Variants in HEATR4 observed in about 807,000 individuals in gnomAD.
HEATR4 encodes the protein HEAT repeat-containing protein 4.
A neutral mutation model predicts 108.8 loss-of-function variants in HEATR4; 95 were observed. That is an observed-to-expected ratio of 0.87 (90% CI 0.74 to 1.04). The LOEUF (loss-of-function observed/expected upper bound fraction) is 1.04, where lower values mean the gene tolerates loss of function less well. HEATR4 is among the 50% of genes least tolerant of loss of function. The pLI is 0.00. For synonymous variants in HEATR4, 443 were observed against 459.4 expected (o/e 0.96, Z 0.46); for missense variants, 1,152 against 1,253.8 (o/e 0.92, Z 1.23).
rs376920589 is a variant in HEATR4 at position 73,508,281 on chromosome 14, A to G, written c.1734T>C (p.Asp578=). The change falls in exon 9 of 18, where the codon GAT becomes GAC. Residue 578 remains aspartate, a synonymous_variant. Coordinates refer to ENST00000553558, the MANE Select transcript of HEATR4 (RefSeq NM_001220484.1). ...QTALLKGNSV[D]SWAAAQCLAL... is the part of the protein sequence containing the mutation. ...CCAAGCACTGAGCTGCAGCCCAGCT[A>G]TCCACACTGTTACCTGCCACAGTTG... 4.3e-6 allele frequency: 7 copies of G among 1,613,746 alleles called. No individual in the cohort carries two copies. In the East Asian group the frequency reaches 6.7e-5, roughly 15 times the overall value.
intron 7 of HEATR4, among the ~76,000 whole-genome samples, chr14:73,511,388 G>A (rs1353716825): frequency 2.6e-5 from 4 of 151,806 alleles, no homozygotes; most frequent in East Asian, 1.9e-4. Context: ...GGTGGCACAC[G>A]CCTGTATGTA....
upstream of HEATR4, among the ~76,000 whole-genome samples, chr14:73,560,296 T>C (rs1226290872): frequency 6.6e-6 from 1 of 152,052 alleles, no homozygotes; most frequent in Non-Finnish European, 1.5e-5. Context: ...ATATGGACTT[T>C]AGCACTTGAG....
rs1262085869 is a variant in HEATR4 at position 73,548,299 on chromosome 14, A to T, written c.-152+10452T>A. ...AGCAAGGGGAGAAGTGAGTGTAGTT[A>T]TTTGCAAATATTTCCACTCTTCAAT... On this transcript the variant is annotated intron_variant, in intron 1 of 17. Coordinates refer to ENST00000553558, the MANE Select transcript of HEATR4 (RefSeq NM_001220484.1). Among the ~76,000 whole-genome samples, 2 of 114,802 alleles carry T rather than the reference A, an allele frequency of 1.7e-5. 1 individual carries two copies. The highest frequency in any genetic ancestry group is 3.8e-5 in the Non-Finnish European group (2 of 52,626). The allele number at this position is 114,802 out of a possible 152,430, so 75.3% of individuals were successfully genotyped here.
At position 73,530,233 on chromosome 14, in the gene HEATR4, C is replaced by G. The variant is rs1446183448; in HGVS notation, c.-140G>C. The G allele has an allele frequency of 6.9e-6, 1 of 145,356 alleles. No homozygotes were observed. The highest frequency in any genetic ancestry group is 2.5e-5 in the African/African-American group (1 of 40,296). The allele number at this position is 145,356 out of a possible 1,614,324, so 9.0% of individuals were successfully genotyped here. Reference sequence around the variant, plus strand: ...CTTCCTGCCTTGGCCTCCAGAAATGCTGGGACTGCGCCTGGAATAGATACG... The same window carrying G: ...CTTCCTGCCTTGGCCTCCAGAAATGGTGGGACTGCGCCTGGAATAGATACG... On this transcript the variant is annotated 5_prime_UTR_variant, in exon 2 of 18. Transcript: ENST00000553558.
chr14:73,595,114 C>T, the HEATR4 span: 1 of 1,614,176 alleles, frequency 6.2e-7, no homozygotes. Flanking sequence ...TCTCAATGGC[C>T]TCATTCTTGA....
intron 9 of HEATR4, among the ~76,000 whole-genome samples, chr14:73,507,000 C>T (rs546313726): frequency 4.7e-4 from 71 of 151,814 alleles, no homozygotes; most frequent in Non-Finnish European, 9.1e-4. Flanking sequence ...GGGGTTTTAC[C>T]ATGTTGGTGC....
chr14:73,585,620 G>A, the HEATR4 span, among the ~76,000 whole-genome samples: 1 of 151,942 alleles, frequency 6.6e-6, no homozygotes, highest in Non-Finnish European at 1.5e-5. Flanking sequence ...AACCCAGGAG[G>A]TGGAGGTCCA....
chr14:73,513,110 A>G (rs1266418011), intron 6 of HEATR4, among the ~76,000 whole-genome samples: 1 of 152,244 alleles, frequency 6.6e-6, no homozygotes, highest in African/African-American at 2.4e-5. Context: ...GTTGGACAGC[A>G]TATTTTGTTC....
At chr14:73,499,385 TAGG>T in intron 12 of HEATR4, among the ~76,000 whole-genome samples, 1 of 151,890 alleles carries the variant, frequency 6.6e-6, no homozygotes, top group East Asian at 1.9e-4. Flanking sequence ...GAGGCTGAGG[TAGG>T]AGAATTGCTT....
At chr14:73,593,835 C>A in the HEATR4 span, 1 of 1,614,052 alleles carries the variant, frequency 6.2e-7, no homozygotes, top group Non-Finnish European at 8.5e-7. Flanking sequence ...AAGATCTCCC[C>A]AATAACATGG....
the HEATR4 span, chr14:73,612,677 A>C: frequency 1.6e-5 from 22 of 1,411,278 alleles, no homozygotes; most frequent in East Asian, 6.4e-4. Context: ...CACGCTGCGC[A>C]CGTCCCTGCG....
Position 73,532,812 on chromosome 14 carries a change from C to T in HEATR4, c.-151-2568G>A, listed in dbSNP as rs1360137375. 2.7e-5 allele frequency among the ~76,000 whole-genome samples: 3 copies of T among 112,588 alleles called. 1 individual carries two copies. Among genetic ancestry groups the T allele is most frequent in the African/African-American group, 5.8e-5 (2 of 34,628 alleles). 73.9% of individuals were successfully genotyped at this position (112,588 alleles called of 152,430 possible). On this transcript the variant is annotated intron_variant, in intron 1 of 17. Coordinates refer to ENST00000553558, the MANE Select transcript of HEATR4 (RefSeq NM_001220484.1). ...TACTAAAACATACAAAAAAATTAGC[C>T]GGGTGTGGTGGTGGGCACCTGTAGT...
At chr14:73,608,671 C>T in the HEATR4 span, among the ~76,000 whole-genome samples, 33 of 152,164 alleles carry the variant, frequency 2.2e-4, no homozygotes, top group Non-Finnish European at 3.8e-4. Flanking sequence ...GTTCCAAAGT[C>T]GCTTCCACAT....
In HEATR4 at chr14:73,478,582, C is replaced by T. The variant is rs775832562; in HGVS notation, c.*24G>A. 2 of 1,517,460 alleles carry T rather than the reference C, an allele frequency of 1.3e-6. No homozygotes were observed. The highest frequency in any genetic ancestry group is 3.4e-5 in the Admixed American group (2 of 58,478). 94.0% of individuals were successfully genotyped at this position (1,517,460 alleles called of 1,614,324 possible). On this transcript the variant is annotated 3_prime_UTR_variant, in exon 18 of 18. Transcript: ENST00000553558. ...TGACCAGGTCCACTGCTTCCTGCAT[C>T]TTGAAGTAAGACAAGTGTTCAGCTT...
Position 73,498,324 on chromosome 14 carries a change from C to CT in HEATR4, c.2376dup (p.Val793SerfsTer16), listed in dbSNP as rs768727254. The CT allele has an allele frequency of 3.1e-6, 5 of 1,605,160 alleles. No homozygotes were observed. The Admixed American group carries it at 8.4e-5, about 27-fold the overall frequency. ...AGAAGATCCGTCAGCTCGGGACTTA[C>CT]TTGCCCAATCTGTCCCAAAGCTGCA... On this transcript the variant is annotated frameshift_variant, in exon 14 of 18. Transcript: ENST00000553558. LOFTEE classifies it high-confidence loss of function.
chr14:73,571,834 A>G, the HEATR4 span, among the ~76,000 whole-genome samples: 5 of 152,150 alleles, frequency 3.3e-5, no homozygotes, highest in African/African-American at 1.2e-4. Context: ...CATTTACAAT[A>G]GGAAAACCTC....
At chr14:73,573,564 A>G in the HEATR4 span, 108 of 1,613,782 alleles carry the variant, frequency 6.7e-5, 1 homozygote, top group Admixed American at 9.5e-4. Flanking sequence ...TGAAGAAGCC[A>G]TGAACTACTT....
chr14:73,591,896 C>G, the HEATR4 span: 2 of 1,317,686 alleles, frequency 1.5e-6, no homozygotes, highest in East Asian at 6.3e-5. Context: ...ACATTCGGCG[C>G]GCTTGCCACG....
chr14:73,613,458 T>A, the HEATR4 span, among the ~76,000 whole-genome samples: 3 of 152,214 alleles, frequency 2.0e-5, no homozygotes. Context: ...TTTGCCTCCT[T>A]TCACATCAAA....
Sources: allele counts gnomAD v4.1 joint callset (sites outside exome capture counted in the v4.1 genomes callset), GRCh38; gene constraint gnomAD v4.1.1; transcripts MANE v1.5; gene names NCBI Gene and HGNC (gene_info 2026-07-23, HGNC 2026-07-21).